Variants in MINK1 observed in about 807,000 individuals in gnomAD.
MINK1 encodes the protein misshapen-like kinase 1.
In MINK1, 46 loss-of-function variants were observed where a neutral mutation model predicts 178.4. The observed-to-expected ratio is 0.26, with a 90% CI of 0.20 to 0.33. MINK1 has a LOEUF of 0.33. Among genes scored for constraint, MINK1 ranks in the 10% least tolerant of loss-of-function variants. The pLI is 1.00. For missense variants in MINK1, 1,366 were observed against 1,814.9 expected (o/e 0.75, Z 4.49); for synonymous variants, 797 against 709.7 (o/e 1.12, Z -1.96).
intron 1 of MINK1, among the ~76,000 whole-genome samples, chr17:4,843,092 C>A (rs1567556491): frequency 6.6e-6 from 1 of 152,144 alleles, no homozygotes; most frequent in Non-Finnish European, 1.5e-5. Flanking sequence ...AGAGAGTCCG[C>A]CTAACCTTAA....
chr17:4,891,245 G>T, intron 15 of MINK1, 121 bp downstream of exon 15: 1 of 1,162,758 alleles, frequency 8.6e-7, no homozygotes, highest in Non-Finnish European at 1.2e-6. Context: ...CGTGAGCCAG[G>T]ATTACAGAGC....
intron 1 of MINK1, chr17:4,868,766 G>A (rs1915418533): frequency 3.8e-6 from 1 of 265,398 alleles, no homozygotes; most frequent in South Asian, 2.9e-5. Flanking sequence ...TTTTTTTTGA[G>A]ACAGGGTCTC....
chr17:4,892,817 A>G (rs763433289), intron 19 of MINK1, 49 bp downstream of exon 19: 1 of 1,518,754 alleles, frequency 6.6e-7, no homozygotes, highest in Non-Finnish European at 9.0e-7. Flanking sequence ...GGGGCTTATC[A>G]CCATGGACCC....
At chr17:4,881,067 G>T in intron 3 of MINK1, 27 bp downstream of exon 3, 3 of 1,534,540 alleles carry the variant, frequency 2.0e-6, no homozygotes, top group Non-Finnish European at 1.7e-6. Flanking sequence ...GGCAGTGGGA[G>T]GGTCGGACCA....
intron 1 of MINK1, among the ~76,000 whole-genome samples, chr17:4,870,567 G>A (rs745391378): frequency 6.6e-6 from 1 of 152,056 alleles, no homozygotes; most frequent in Non-Finnish European, 1.5e-5. Context: ...GCTCATGCCT[G>A]TAATGCCAGC....
rs770993654 is a variant in MINK1 at position 4,896,635 on chromosome 17, G to A, written c.3776-39G>A. The A allele has an allele frequency of 4.2e-5, 68 of 1,610,254 alleles. No individual in the cohort carries two copies. Among genetic ancestry groups the A allele is most frequent in the Middle Eastern group, 3.3e-4 (2 of 6,048 alleles). On this transcript the variant is annotated intron_variant, in intron 30 of 31. Transcript: ENST00000355280. This position sits in a 1 kb window ranked among gnomAD's most constrained non-coding sequence, Gnocchi z 4.6. ...CAGCCACATGCCCCGAGGTGGCCCC[G>A]GGGTGCAGCCTGCTCAGCCCCTCAC...
At chr17:4,884,548 C>T in intron 5 of MINK1, 75 bp downstream of exon 5, 4 of 1,142,140 alleles carry the variant, frequency 3.5e-6, no homozygotes, top group African/African-American at 1.5e-5. Context: ...AAAGATCCTC[C>T]CTGCGCTGGG....
rs369009744 is a variant in MINK1, at chr17:4,881,267, G to A, written c.306+10G>A. The A allele has an allele frequency of 5.9e-5, 90 of 1,535,962 alleles. No individual in the cohort carries two copies. The African/African-American group carries it at 5.9e-4, about 10-fold the overall frequency. On this transcript the variant is annotated intron_variant, in intron 4 of 31. Transcript: ENST00000355280. ...CGATGACCAGCTCTGGGTGAGAAAC[G>A]CCCCCCTGCCCGCCTTCCCTCCCCG... is the stretch of plus-strand genomic sequence containing the variant.
chr17:4,890,086 T>A, intron 13 of MINK1: 2 of 398,958 alleles, frequency 5.0e-6, no homozygotes, highest in African/African-American at 2.5e-5. Context: ...CTCCCCTACC[T>A]CTCTCTTACT....
In MINK1 at chr17:4,892,102, G is replaced by A. The variant is rs117491068; in HGVS notation, c.2002-47G>A. 6.7e-3 allele frequency: 9,887 copies of A among 1,466,170 alleles called. 45 individuals carry two copies. Among genetic ancestry groups the A allele is most frequent in the Non-Finnish European group, 7.9e-3 (8,464 of 1,069,342 alleles). 90.8% of individuals were successfully genotyped at this position (1,466,170 alleles called of 1,614,324 possible). ...GAGGTGAGGCTTAAACATCTGAGAA[G>A]TGCCTGTCGCAGCGCCAGCTCGCAG... On this transcript the variant is annotated intron_variant, in intron 16 of 31. Transcript: ENST00000355280.
intron 12 of MINK1, 62 bp from the exon 13 acceptor site, chr17:4,889,585 G>T (rs1968561708): frequency 1.2e-5 from 16 of 1,378,900 alleles, no homozygotes; most frequent in Non-Finnish European, 1.6e-5. Context: ...CCCTGTCCAT[G>T]GAGGGGCAGT....
intron 1 of MINK1, among the ~76,000 whole-genome samples, chr17:4,865,561 T>A (rs540152366): frequency 1.3e-5 from 2 of 151,794 alleles, no homozygotes; most frequent in East Asian, 3.9e-4. Context: ...CTACATAGAA[T>A]AAAATGATGA....
chr17:4,872,636 G>T (rs533036741), intron 1 of MINK1, among the ~76,000 whole-genome samples: 1 of 152,090 alleles, frequency 6.6e-6, no homozygotes, highest in African/African-American at 2.4e-5. Context: ...CCCAAGTTTG[G>T]TGGTGCGCGC....
At chr17:4,850,202 A>G (rs1167060264) in intron 1 of MINK1, among the ~76,000 whole-genome samples, 1 of 152,228 alleles carries the variant, frequency 6.6e-6, no homozygotes, top group Non-Finnish European at 1.5e-5. Context: ...CAATGCCTCT[A>G]CATAGCTGAC....
At chr17:4,878,718 T>C (rs562162484) in intron 2 of MINK1, among the ~76,000 whole-genome samples, 2 of 152,162 alleles carry the variant, frequency 1.3e-5, no homozygotes, top group African/African-American at 4.8e-5. Context: ...AGGCCAGAGA[T>C]GTGGGTTTGG....
At chr17:4,844,071 A>G (rs1192081311) in intron 1 of MINK1, among the ~76,000 whole-genome samples, 2 of 152,040 alleles carry the variant, frequency 1.3e-5, no homozygotes, top group Admixed American at 1.3e-4. Flanking sequence ...GGTGCGATCT[A>G]GGCTCACTGC....
rs560217091 is a variant in MINK1, at chr17:4,844,620, G to A, written c.57+10980G>A. The A allele has an allele frequency of 6.0e-5, 30 of 498,248 alleles. No individual in the cohort carries two copies. The East Asian group carries it at 1.6e-3, about 26-fold the overall frequency. The allele number at this position is 498,248 out of a possible 1,614,324, so 30.9% of individuals were successfully genotyped here. ...GGGTTGGCACTGGGGAGCACATGTTGGGAATACAGAGCTCCACGGGGCTCG... is the reference window on the plus strand; with the variant it reads ...GGGTTGGCACTGGGGAGCACATGTTAGGAATACAGAGCTCCACGGGGCTCG... On this transcript the variant is annotated intron_variant, in intron 1 of 31. Coordinates refer to ENST00000355280, the MANE Select transcript of MINK1 (RefSeq NM_153827.5).
At chr17:4,874,154 T>C (rs1025686706) in intron 1 of MINK1, among the ~76,000 whole-genome samples, 4 of 152,228 alleles carry the variant, frequency 2.6e-5, no homozygotes, top group African/African-American at 9.6e-5. Context: ...ACTTGGCCAA[T>C]CTATAAAATT....
chr17:4,834,887 A>G (rs1909067581), intron 1 of MINK1: 3 of 519,812 alleles, frequency 5.8e-6, no homozygotes, highest in Admixed American at 3.9e-5. Context: ...TGCCCCGGAT[A>G]TGGCTGGAGG....
Sources: gnomAD v4.1 joint callset for allele counts (sites outside exome capture counted in the v4.1 genomes callset) on GRCh38, gnomAD v4.1.1 for gene constraint, Gnocchi (gnomAD v3.1) non-coding constraint, MANE v1.5 for transcripts, NCBI Gene and HGNC (gene_info 2026-07-23, HGNC 2026-07-21) for gene names.